Variants in GRIA1 observed in about 807,000 individuals in gnomAD.
The protein encoded by GRIA1 is glutamate ionotropic receptor AMPA type subunit 1.
Under a neutral mutation model 99.2 loss-of-function variants are expected in GRIA1, and 31 were observed. The observed-to-expected ratio is 0.31, with a 90% CI of 0.23 to 0.42. The LOEUF (loss-of-function observed/expected upper bound fraction) is 0.42, where lower values mean the gene tolerates loss of function less well. Among genes scored for constraint, GRIA1 ranks in the 10% least tolerant of loss-of-function variants. The pLI, the probability that GRIA1 is intolerant of heterozygous loss-of-function variation, is 1.00. For missense variants in GRIA1, 782 were observed against 1,157.5 expected (o/e 0.68, Z 4.71); for synonymous variants, 438 against 432.4 (o/e 1.01, Z -0.16).
At chr5:153,581,400 C>T (rs1763031779) in intron 2 of GRIA1, among the ~76,000 whole-genome samples, 1 of 152,196 alleles carries the variant, frequency 6.6e-6, no homozygotes, top group African/African-American at 2.4e-5. Flanking sequence ...CCTCCCCTCA[C>T]ACACAGCTCC....
Position 153,811,090 on chromosome 5 carries a change from C to G in GRIA1, c.2586C>G (p.Asn862Lys). Residue 862 changes from asparagine to lysine, a missense_variant, in exon 16 of 16, where the codon AAC (asparagine) becomes AAG (lysine). Around this residue, in one of 5 missense-constraint regions of GRIA1, gnomAD observed 76 missense variants for 81.2 expected, o/e 0.94. Coordinates refer to ENST00000285900, the MANE Select transcript of GRIA1 (RefSeq NM_000827.4). ...TACGGACATCGACCCTCCCCCGCAACAGCGGGGCAGGAGCCAGCAGCGGCG... is the reference window on the plus strand; with the variant it reads ...TACGGACATCGACCCTCCCCCGCAAGAGCGGGGCAGGAGCCAGCAGCGGCG... ...EAIRTSTLPR[N>K]SGAGASSGGS... is the part of the protein sequence containing the mutation. The G allele has an allele frequency of 6.2e-7, 1 of 1,613,618 alleles. No individual in the cohort carries two copies. Among genetic ancestry groups the G allele is most frequent in the Non-Finnish European group, 8.5e-7 (1 of 1,179,504 alleles).
chr5:153,622,305 C>T (rs533937842), intron 2 of GRIA1, among the ~76,000 whole-genome samples: 3 of 152,260 alleles, frequency 2.0e-5, no homozygotes, highest in South Asian at 4.1e-4. Flanking sequence ...TAAGGAAAAT[C>T]GTGGGGCCCC....
intron 2 of GRIA1, among the ~76,000 whole-genome samples, chr5:153,550,834 A>G (rs1310385299): frequency 1.3e-5 from 2 of 152,148 alleles, no homozygotes; most frequent in Non-Finnish European, 2.9e-5. Flanking sequence ...CCACCCCCAG[A>G]GGTTCTAATT....
chr5:153,583,917 G>A (rs1763252737), intron 2 of GRIA1, among the ~76,000 whole-genome samples: 1 of 152,148 alleles, frequency 6.6e-6, no homozygotes, highest in African/African-American at 2.4e-5. Context: ...TCTTTCTAAT[G>A]TGCCAAGCTG....
chr5:153,626,444 CTGTGTGTGTGTGTGTG>C (rs3036985), intron 2 of GRIA1, among the ~76,000 whole-genome samples: 18 of 142,342 alleles, frequency 1.3e-4, no homozygotes, highest in Non-Finnish European at 2.0e-4. Context: ...GTGTGTGTGT[CTGTGTGTGTGTGTGTG>C]TGTGTGTGTG....
intron 11 of GRIA1, among the ~76,000 whole-genome samples, chr5:153,727,081 T>C (rs371614961): frequency 5.9e-5 from 9 of 152,014 alleles, no homozygotes. Context: ...GCTGGTTCAA[T>C]ATATGCAAAT....
rs542762085 is a variant in GRIA1 at position 153,577,889 on chromosome 5, G to A, written c.221-69039G>A. Among the ~76,000 whole-genome samples the A allele has an allele frequency of 2.9e-4, 44 of 151,890 alleles. 1 individual carries two copies. Among genetic ancestry groups the A allele is most frequent in the Non-Finnish European group, 4.7e-4 (32 of 67,968 alleles). ...AGATTCCCCAGGCACAGTGGCTCGC[G>A]CCTGTAATCCCAGCACTTCGGAAGG... On this transcript the variant is annotated intron_variant, in intron 2 of 15. Coordinates refer to ENST00000285900, the MANE Select transcript of GRIA1 (RefSeq NM_000827.4).
chr5:153,627,160 A>G (rs1417793948), intron 2 of GRIA1, among the ~76,000 whole-genome samples: 1 of 152,234 alleles, frequency 6.6e-6, no homozygotes, highest in Non-Finnish European at 1.5e-5. Flanking sequence ...TTATAAAACA[A>G]TAACAATATA....
At chr5:153,509,476 T>A (rs1358551996) in intron 2 of GRIA1, among the ~76,000 whole-genome samples, 1 of 152,184 alleles carries the variant, frequency 6.6e-6, no homozygotes, top group East Asian at 1.9e-4. Flanking sequence ...TATTGGCCCA[T>A]TTCAACTTTC....
At chr5:153,519,650 C>T (rs1756957279) in intron 2 of GRIA1, among the ~76,000 whole-genome samples, 1 of 152,050 alleles carries the variant, frequency 6.6e-6, no homozygotes, top group South Asian at 2.1e-4. Flanking sequence ...ACCTGAAGGG[C>T]ATGGAGTCTG....
intron 2 of GRIA1, among the ~76,000 whole-genome samples, chr5:153,619,581 C>T (rs1766835896): frequency 2.0e-5 from 3 of 151,736 alleles, no homozygotes; most frequent in Admixed American, 2.0e-4. Flanking sequence ...GTAGGGTGAG[C>T]CAAATGGAAG....
In GRIA1 at chr5:153,540,691, G is replaced by A. The variant is rs563762791; in HGVS notation, c.220+46626G>A. On this transcript the variant is annotated intron_variant, in intron 2 of 15. Coordinates refer to ENST00000285900, the MANE Select transcript of GRIA1 (RefSeq NM_000827.4). Reference sequence around the variant, plus strand: ...TAAGGGAAAAAATAAACAAATAAACGGGACAATCGCAGATGGGGGAAAGTG... The same window carrying A: ...TAAGGGAAAAAATAAACAAATAAACAGGACAATCGCAGATGGGGGAAAGTG... Among the ~76,000 whole-genome samples the A allele has an allele frequency of 4.9e-4, 75 of 152,156 alleles. 1 individual carries two copies. The South Asian group carries it at 0.012, about 25-fold the overall frequency.
At chr5:153,737,290 T>TAAA (rs35443126) in intron 11 of GRIA1, among the ~76,000 whole-genome samples, 175 of 74,048 alleles carry the variant, frequency 2.4e-3, no homozygotes, top group African/African-American at 7.9e-3. Flanking sequence ...GCAACCCCGG[T>TAAA]AAAAAAAAAA....
chr5:153,764,150 A>G (rs1763360427), intron 11 of GRIA1, among the ~76,000 whole-genome samples: 1 of 152,206 alleles, frequency 6.6e-6, no homozygotes, highest in Non-Finnish European at 1.5e-5. Context: ...CTTTGTCATC[A>G]TGTGTCTTGC....
At chr5:153,692,698 C>G (rs1461957879) in intron 8 of GRIA1, among the ~76,000 whole-genome samples, 1 of 152,136 alleles carries the variant, frequency 6.6e-6, no homozygotes, top group Non-Finnish European at 1.5e-5. Flanking sequence ...CCTAAATGTT[C>G]TAAAACGCCA....
chr5:153,748,541 C>CTACT (rs1162366569), intron 11 of GRIA1, among the ~76,000 whole-genome samples: 2 of 152,140 alleles, frequency 1.3e-5, no homozygotes, highest in African/African-American at 4.8e-5. Flanking sequence ...CAACATGGTC[C>CTACT]TACTTATAGT....
At chr5:153,649,541 T>C (rs754379592) in intron 3 of GRIA1, among the ~76,000 whole-genome samples, 1 of 152,186 alleles carries the variant, frequency 6.6e-6, no homozygotes, top group Non-Finnish European at 1.5e-5. Context: ...CACTGCAACC[T>C]CTGCCTCCCA....
chr5:153,640,945 A>C (rs759134249), intron 2 of GRIA1, among the ~76,000 whole-genome samples: 1 of 152,194 alleles, frequency 6.6e-6, no homozygotes, highest in Non-Finnish European at 1.5e-5. Context: ...TATTATGGTA[A>C]TTCTTTGCAT....
At chr5:153,523,353 A>G (rs1757318325) in intron 2 of GRIA1, among the ~76,000 whole-genome samples, 1 of 151,990 alleles carries the variant, frequency 6.6e-6, no homozygotes, top group Non-Finnish European at 1.5e-5. Context: ...CCTTTCTGCA[A>G]TTTTATATCC....
Sources: gnomAD v4.1 joint callset for allele counts (sites outside exome capture counted in the v4.1 genomes callset) on GRCh38, gnomAD v4.1.1 for gene constraint, gnomAD v4.1.1 regional missense constraint, MANE v1.5 for transcripts, NCBI Gene and HGNC (gene_info 2026-07-23, HGNC 2026-07-21) for gene names.